The following ITIH5 variants were observed in gnomAD, a reference collection of about 807,000 sequenced individuals.
ITIH5 encodes the protein inter-alpha-trypsin inhibitor heavy chain H5.
In ITIH5, 65 loss-of-function variants were observed where a neutral mutation model predicts 77.5. The ratio of observed to expected loss-of-function variants is 0.84; its 90% CI spans 0.69 to 1.03. The LOEUF is 1.03. Among genes scored for constraint, ITIH5 ranks in the 50% least tolerant of loss-of-function variants. ITIH5 has a pLI of 0.00. For missense variants in ITIH5, 1,208 were observed against 1,213.1 expected (o/e 1.00, Z 0.06); for synonymous variants, 525 against 494.3 (o/e 1.06, Z -0.82).
chr10:7,621,506 C>G (rs1428002851), intron 5 of ITIH5: 1 of 152,124 alleles, frequency 6.6e-6, no homozygotes, highest in Non-Finnish European at 1.5e-5. Context: ...ATTTTACACA[C>G]CCAAAGAATG....
Position 7,666,842 on chromosome 10 carries a change from CG to C in ITIH5, c.50del (p.Ser17CysfsTer29). The C allele has an allele frequency of 6.2e-7, 1 of 1,609,014 alleles. No individual in the cohort carries two copies. Among genetic ancestry groups the C allele is most frequent in the Non-Finnish European group, 8.5e-7 (1 of 1,178,264 alleles). On this transcript the variant is annotated frameshift_variant, in exon 1 of 14. Coordinates refer to ENST00000397146, the MANE Select transcript of ITIH5 (RefSeq NM_030569.7). LOFTEE classifies it high-confidence loss of function. ...LCLGLSLCVG[S>X]QEEAQSWGHS... ...GGCCCCAGCTCTGCGCCTCTTCCTG[CG>C]ACCCCACACACAGGGACAGCCCCAG...
intron 2 of ITIH5, among the ~76,000 whole-genome samples, chr10:7,650,736 CAAA>C (rs375912133): frequency 8.6e-6 from 1 of 116,386 alleles, no homozygotes; most frequent in Admixed American, 8.9e-5. Flanking sequence ...AACTCCATCT[CAAA>C]AAAAAAAAAA....
rs774293131 is a variant in ITIH5 at position 7,655,617 on chromosome 10, A to C, written c.135+14T>G. ...AGGGAATGGACTTTCAAGATGCACCATGAATATACCTACCAGCCTCTGCAA... is the reference window on the plus strand; with the variant it reads ...AGGGAATGGACTTTCAAGATGCACCCTGAATATACCTACCAGCCTCTGCAA... On this transcript the variant is annotated intron_variant, in intron 2 of 13. Transcript: ENST00000397146. 1.3e-5 allele frequency: 21 copies of C among 1,603,094 alleles called. No individual in the cohort carries two copies. Among genetic ancestry groups the C allele is most frequent in the Non-Finnish European group, 1.8e-5 (21 of 1,170,138 alleles).
At chr10:7,648,123 G>A (rs1322252687) in intron 2 of ITIH5, among the ~76,000 whole-genome samples, 1 of 151,740 alleles carries the variant, frequency 6.6e-6, no homozygotes, top group East Asian at 1.9e-4. Flanking sequence ...CATGGTGGCG[G>A]GCACCAGCTA....
chr10:7,565,961 A>T, intron 13 of ITIH5, 69 bp downstream of exon 13: 1 of 1,542,592 alleles, frequency 6.5e-7, no homozygotes, highest in South Asian at 1.2e-5. Context: ...GGTGTTGGCA[A>T]TATCAGCTTT....
At position 7,642,032 on chromosome 10, in the gene ITIH5, G is replaced by T; in HGVS notation, c.194C>A (p.Ala65Asp). The change falls in exon 3 of 14, where the codon GCC (alanine) becomes GAC (aspartate). Residue 65 changes from alanine (A) to aspartate (D), a missense_variant. Transcript: ENST00000397146. ...SVKSTIISRY[A>D]FTTVSCRMLN... Reference sequence around the variant, plus strand: ...CATTCTGCAGGAAACCGTAGTGAAGGCATAACGGGAAATGATGGTAGACTT... The same window carrying T: ...CATTCTGCAGGAAACCGTAGTGAAGTCATAACGGGAAATGATGGTAGACTT... 6.2e-7 allele frequency: 1 copy of T among 1,613,874 alleles called. No individual in the cohort carries two copies. The highest frequency in any genetic ancestry group is 8.5e-7 in the Non-Finnish European group (1 of 1,179,772).
chr10:7,588,835 C>T (rs1832735153), intron 7 of ITIH5, among the ~76,000 whole-genome samples: 1 of 152,224 alleles, frequency 6.6e-6, no homozygotes. Flanking sequence ...TCTTACGAGC[C>T]ACCTGAGGGA....
chr10:7,572,169 T>G, intron 11 of ITIH5: 2 of 1,188,726 alleles, frequency 1.7e-6, no homozygotes, highest in Non-Finnish European at 2.1e-6. Context: ...GTGCGGACTC[T>G]ATATCCACAG....
At position 7,560,871 on chromosome 10, in the gene ITIH5, G is replaced by A. The variant is rs139556820; in HGVS notation, c.*2212C>T. On this transcript the variant is annotated 3_prime_UTR_variant, in exon 14 of 14. Coordinates refer to ENST00000397146, the MANE Select transcript of ITIH5 (RefSeq NM_030569.7). ...GAGGTTCAGTGTAGCCCTGCATTAA[G>A]TATGTTGTATGACTTGGCAAAAACC... The A allele has an allele frequency of 6.6e-6, 1 of 152,144 alleles. No individual in the cohort carries two copies. Among genetic ancestry groups the A allele is most frequent in the African/African-American group, 2.4e-5 (1 of 41,422 alleles). 9.4% of individuals were successfully genotyped at this position (152,144 alleles called of 1,614,324 possible).
At chr10:7,569,922 T>C (rs1832264119) in intron 11 of ITIH5, 138 bp from the exon 12 acceptor site, 2 of 553,382 alleles carry the variant, frequency 3.6e-6, no homozygotes. Flanking sequence ...TGTCCTCAAT[T>C]TCCAGATGAG....
intron 7 of ITIH5, among the ~76,000 whole-genome samples, chr10:7,607,363 G>A (rs1359670276): frequency 6.6e-6 from 1 of 152,182 alleles, no homozygotes; most frequent in Non-Finnish European, 1.5e-5. Flanking sequence ...AAACCATCTG[G>A]GGGCCGGGCG....
intron 1 of ITIH5, among the ~76,000 whole-genome samples, chr10:7,660,887 G>A (rs75536067): frequency 0.015 from 2,251 of 152,318 alleles, 24 homozygotes; most frequent in Non-Finnish European, 0.021. Context: ...CATTGTATCC[G>A]TGACTCTAGG....
In ITIH5 at chr10:7,647,049, C is replaced by T. The variant is rs116205109; in HGVS notation, c.136-4959G>A. ...GCCACTGAACAAAAAATATCAACCT[C>T]CTTCCTTTTTAAAAATAGCTGCATA... On this transcript the variant is annotated intron_variant, in intron 2 of 13. Coordinates refer to ENST00000397146, the MANE Select transcript of ITIH5 (RefSeq NM_030569.7). 7.8e-3 allele frequency among the ~76,000 whole-genome samples: 1,188 copies of T among 152,326 alleles called. 11 individuals carry two copies. The highest frequency in any genetic ancestry group is 0.02 in the African/African-American group (829 of 41,572).
At chr10:7,642,563 T>C (rs944805791) in intron 2 of ITIH5, among the ~76,000 whole-genome samples, 2 of 152,204 alleles carry the variant, frequency 1.3e-5, no homozygotes, top group Non-Finnish European at 2.9e-5. Context: ...AGAGAAACGA[T>C]ACACCAGAGC....
At chr10:7,621,222 A>G (rs1316944854) in intron 5 of ITIH5, 7 of 152,220 alleles carry the variant, frequency 4.6e-5, no homozygotes, top group Non-Finnish European at 1.0e-4. Flanking sequence ...CAATAATTAG[A>G]TTAGACTCTC....
At chr10:7,612,321 A>G (rs1402660871) in intron 7 of ITIH5, among the ~76,000 whole-genome samples, 1 of 152,224 alleles carries the variant, frequency 6.6e-6, no homozygotes, top group African/African-American at 2.4e-5. Flanking sequence ...AAAATTAAAA[A>G]TTCAGTTCCT....
chr10:7,635,388 C>A (rs1833782917), intron 5 of ITIH5, among the ~76,000 whole-genome samples: 1 of 152,194 alleles, frequency 6.6e-6, no homozygotes, highest in Non-Finnish European at 1.5e-5. Flanking sequence ...TACAGCCTTG[C>A]ATTTTTTACA....
chr10:7,639,139 T>C (rs1833844565), intron 4 of ITIH5, among the ~76,000 whole-genome samples: 1 of 152,200 alleles, frequency 6.6e-6, no homozygotes, highest in Non-Finnish European at 1.5e-5. Flanking sequence ...AGTTAGGTTT[T>C]AATAACTTGC....
Position 7,642,014 on chromosome 10 carries a change from C to G in ITIH5, c.212G>C (p.Cys71Ser), listed in dbSNP as rs772423415. The part of the protein sequence containing the change: ...ISRYAFTTVS[C>S]RMLNRASEDQ... The stretch of plus-strand genomic sequence containing the variant: ...TTCAGAAGCTCTGTTCAGCATTCTG[C>G]AGGAAACCGTAGTGAAGGCATAACG... The change falls in exon 3 of 14, where the codon TGC becomes TCC. Residue 71 changes from cysteine (C) to serine (S), a missense_variant. Cys to Ser is a moderately radical substitution (Grantham distance 112). Transcript: ENST00000397146. 6.2e-7 allele frequency: 1 copy of G among 1,613,836 alleles called. No homozygotes were observed. The highest frequency in any genetic ancestry group is 8.5e-7 in the Non-Finnish European group (1 of 1,179,826).
Sources: gnomAD v4.1 joint callset for allele counts (sites outside exome capture counted in the v4.1 genomes callset) on GRCh38, gnomAD v4.1.1 for gene constraint, MANE v1.5 for transcripts, NCBI Gene and HGNC (gene_info 2026-07-23, HGNC 2026-07-21) for gene names.